KCNH7: variants seen among roughly 807,000 people sequenced by gnomAD.
KCNH7 encodes voltage-gated inwardly rectifying potassium channel KCNH7.
A neutral mutation model predicts 120.8 loss-of-function variants in KCNH7; 49 were observed. That is an observed-to-expected ratio of 0.41 (90% CI 0.32 to 0.51). The LOEUF (loss-of-function observed/expected upper bound fraction) is 0.51. KCNH7 is among the 20% of genes least tolerant of loss of function. The probability of loss-of-function intolerance (pLI) is 0.38; values close to 1 mark genes in which losing one functional copy is unlikely to be tolerated. For missense variants in KCNH7, 1,097 were observed against 1,446.6 expected (o/e 0.76, Z 3.92); for synonymous variants, 547 against 516.1 (o/e 1.06, Z -0.81).
At chr2:162,460,230 G>C (rs1390010587) in intron 6 of KCNH7, among the ~76,000 whole-genome samples, 1 of 151,994 alleles carries the variant, frequency 6.6e-6, no homozygotes, top group African/African-American at 2.4e-5. Context: ...ATGCTTCTGT[G>C]GGGAATGACA....
intron 2 of KCNH7, among the ~76,000 whole-genome samples, chr2:162,576,224 T>A (rs79673080): frequency 0.044 from 6,683 of 152,156 alleles, 293 homozygotes; most frequent in East Asian, 0.11. Flanking sequence ...TTTGTTAAAC[T>A]TTTTTTCTTT....
At chr2:162,530,581 T>C (rs1691887891) in intron 3 of KCNH7, among the ~76,000 whole-genome samples, 1 of 152,022 alleles carries the variant, frequency 6.6e-6, no homozygotes. Context: ...ATTGTATACT[T>C]CTTTGTAACC....
In KCNH7 at chr2:162,502,208, T is replaced by G. The variant is rs181828215; in HGVS notation, c.1128+2235A>C. The G allele has an allele frequency of 3.9e-5, 6 of 152,238 alleles. No individual in the cohort carries two copies. The East Asian group carries it at 1.2e-3, about 30-fold the overall frequency. 9.4% of individuals were successfully genotyped at this position (152,238 alleles called of 1,614,324 possible). On this transcript the variant is annotated intron_variant, in intron 6 of 15. Transcript: ENST00000332142. ...CTTGGCTAACTCTTCCATCCATTTA[T>G]GCACTCATTTATTCAGCAAACATTT...
intron 2 of KCNH7, among the ~76,000 whole-genome samples, chr2:162,559,010 G>C (rs1692960150): frequency 7.1e-6 from 1 of 141,396 alleles, no homozygotes. Context: ...AGCCAAGATT[G>C]CGTCACTGCA....
At chr2:162,480,144 T>G (rs6735978) in intron 6 of KCNH7, among the ~76,000 whole-genome samples, 3,102 of 147,790 alleles carry the variant, frequency 0.021, 216 homozygotes, top group Admixed American at 0.15. Flanking sequence ...AAGAATTCTG[T>G]TTTTTTTTTA....
At chr2:162,610,555 A>C (rs1383967459) in intron 2 of KCNH7, among the ~76,000 whole-genome samples, 1 of 152,240 alleles carries the variant, frequency 6.6e-6, no homozygotes, top group Non-Finnish European at 1.5e-5. Context: ...CATATGACAC[A>C]GAATTTATTA....
intron 2 of KCNH7, among the ~76,000 whole-genome samples, chr2:162,565,379 T>C (rs1346233358): frequency 6.6e-6 from 1 of 152,108 alleles, no homozygotes; most frequent in Admixed American, 6.6e-5. Flanking sequence ...ACATAATCTA[T>C]TTAAATAAAT....
In KCNH7 at chr2:162,766,161, C is replaced by A. The variant is rs113599529; in HGVS notation, c.307+70376G>T. Among the ~76,000 whole-genome samples, 122 of 151,928 alleles carry A rather than the reference C, an allele frequency of 8.0e-4. 1 individual carries two copies. The highest frequency in any genetic ancestry group is 2.9e-3 in the African/African-American group (120 of 41,450). On this transcript the variant is annotated intron_variant, in intron 2 of 15. Coordinates refer to ENST00000332142, the MANE Select transcript of KCNH7 (RefSeq NM_033272.4). ...TTTGCTTTCCTGTATACTTCATTTT[C>A]TTTTTAAATGTGTGTGTGTGTTTTG...
intron 2 of KCNH7, among the ~76,000 whole-genome samples, chr2:162,677,519 T>C (rs1465574976): frequency 6.6e-6 from 1 of 151,516 alleles, no homozygotes; most frequent in Admixed American, 6.6e-5. Flanking sequence ...GAGTTGTAGT[T>C]TGTTCATTCT....
chr2:162,637,631 CTT>C (rs1684007363), intron 2 of KCNH7, among the ~76,000 whole-genome samples: 1 of 151,948 alleles, frequency 6.6e-6, no homozygotes, highest in African/African-American at 2.4e-5. Context: ...TGAGGTAACA[CTT>C]TTGATAATTA....
intron 2 of KCNH7, among the ~76,000 whole-genome samples, chr2:162,690,897 G>C (rs1686077657): frequency 6.6e-6 from 1 of 152,092 alleles, no homozygotes; most frequent in Non-Finnish European, 1.5e-5. Context: ...GGAATTTCTT[G>C]GTCAGATCCC....
At position 162,406,076 on chromosome 2, in the gene KCNH7, C is replaced by A. The variant is rs953688108; in HGVS notation, c.2155-5635G>T. Among the ~76,000 whole-genome samples, 7 of 152,084 alleles carry A rather than the reference C, an allele frequency of 4.6e-5. No individual in the cohort carries two copies. In the East Asian group the frequency reaches 1.4e-3, roughly 30 times the overall value. ...ATAATGTATTGACAATAAACTATTA[C>A]TCTTTCCTCAAATTAAAAGTACAAG... On this transcript the variant is annotated intron_variant, in intron 9 of 15. Coordinates refer to ENST00000332142, the MANE Select transcript of KCNH7 (RefSeq NM_033272.4).
chr2:162,421,422 G>T (rs1489823330), intron 9 of KCNH7, among the ~76,000 whole-genome samples: 1 of 152,134 alleles, frequency 6.6e-6, no homozygotes, highest in Non-Finnish European at 1.5e-5. Flanking sequence ...CATTGTTAAA[G>T]TTAAGGATTT....
At chr2:162,470,339 A>G (rs1283007257) in intron 6 of KCNH7, among the ~76,000 whole-genome samples, 2 of 146,348 alleles carry the variant, frequency 1.4e-5, no homozygotes, top group Admixed American at 1.3e-4. Flanking sequence ...GGATGTGAGG[A>G]GCGCCTCTGC....
intron 2 of KCNH7, among the ~76,000 whole-genome samples, chr2:162,541,545 T>C (rs771435089): frequency 6.6e-5 from 10 of 151,996 alleles, no homozygotes; most frequent in Non-Finnish European, 1.0e-4. Flanking sequence ...TTCAGGGACA[T>C]GAATAGAGTT....
At chr2:162,803,351 A>G (rs1458520851) in intron 2 of KCNH7, among the ~76,000 whole-genome samples, 1 of 151,808 alleles carries the variant, frequency 6.6e-6, no homozygotes, top group Non-Finnish European at 1.5e-5. Flanking sequence ...AATCATGTCT[A>G]CAATAAACTT....
At chr2:162,439,658 C>T (rs1163766424) in intron 7 of KCNH7, among the ~76,000 whole-genome samples, 2 of 151,828 alleles carry the variant, frequency 1.3e-5, no homozygotes, top group African/African-American at 2.4e-5. Context: ...ACTCTCTTTC[C>T]AAAAATTCAA....
intron 5 of KCNH7, among the ~76,000 whole-genome samples, chr2:162,508,039 T>C (rs1690942205): frequency 6.6e-6 from 1 of 151,628 alleles, no homozygotes; most frequent in African/African-American, 2.4e-5. Flanking sequence ...AAATAAATAT[T>C]TTATTGTAAA....
chr2:162,582,174 G>T (rs1693892208), intron 2 of KCNH7, among the ~76,000 whole-genome samples: 1 of 152,058 alleles, frequency 6.6e-6, no homozygotes, highest in South Asian at 2.1e-4. Flanking sequence ...TAGGATGTAA[G>T]ACTCCATTTG....
Sources: allele counts gnomAD v4.1 joint callset (sites outside exome capture counted in the v4.1 genomes callset), GRCh38; gene constraint gnomAD v4.1.1; transcripts MANE v1.5; gene names NCBI Gene and HGNC (gene_info 2026-07-23, HGNC 2026-07-21).